MTUS2: variants seen among roughly 807,000 people sequenced by gnomAD.
The protein encoded by MTUS2 is microtubule associated scaffold protein 2, also known as microtubule-associated tumor suppressor candidate 2.
Under a neutral mutation model 114.1 loss-of-function variants are expected in MTUS2, and 40 were observed. The ratio of observed to expected loss-of-function variants is 0.35; its 90% CI spans 0.27 to 0.46. MTUS2 has a LOEUF of 0.46. Ranked by LOEUF, MTUS2 falls within the 20% of genes least tolerant of loss-of-function variation. MTUS2 has a pLI of 1.00. For synonymous variants in MTUS2, 688 were observed against 672.0 expected, an observed-to-expected ratio of 1.02 and a Z score of -0.37; for missense variants, 1,679 against 1,705.4, an observed-to-expected ratio of 0.98 and a Z score of 0.27.
At chr13:28,836,147 A>G (rs903197657) in intron 1 of MTUS2, among the ~76,000 whole-genome samples, 3 of 152,218 alleles carry the variant, frequency 2.0e-5, no homozygotes, top group Non-Finnish European at 4.4e-5. Context: ...GGAATTTAAT[A>G]TATTTTATCT....
At chr13:29,075,555 A>G (rs886541090) in intron 4 of MTUS2, among the ~76,000 whole-genome samples, 2 of 152,224 alleles carry the variant, frequency 1.3e-5, no homozygotes, top group Admixed American at 1.3e-4. Context: ...GTCTGCTATG[A>G]ATATTACTGG....
At chr13:29,357,390 T>C (rs1226131302) in intron 7 of MTUS2, among the ~76,000 whole-genome samples, 1 of 152,200 alleles carries the variant, frequency 6.6e-6, no homozygotes, top group Non-Finnish European at 1.5e-5. Context: ...TTCCTTTAGA[T>C]TTCTAAAAGA....
At chr13:29,336,056 A>T (rs924888215) in intron 7 of MTUS2, among the ~76,000 whole-genome samples, 1 of 152,106 alleles carries the variant, frequency 6.6e-6, no homozygotes, top group African/African-American at 2.4e-5. Context: ...GTTCTTCTCT[A>T]AACTGGTTAT....
chr13:29,407,933 A>T (rs1399007379), intron 8 of MTUS2, among the ~76,000 whole-genome samples: 1 of 152,138 alleles, frequency 6.6e-6, no homozygotes, highest in Admixed American at 6.5e-5. Flanking sequence ...TTCACTAATT[A>T]TTATTTAAGA....
intron 12 of MTUS2, among the ~76,000 whole-genome samples, chr13:29,495,141 G>A (rs1407047269): frequency 1.2e-4 from 15 of 130,108 alleles, no homozygotes; most frequent in Non-Finnish European, 2.2e-4. Context: ...CCGTGATCGC[G>A]CCACTGCACT....
At chr13:29,342,993 A>G (rs984963938) in intron 7 of MTUS2, among the ~76,000 whole-genome samples, 5 of 152,108 alleles carry the variant, frequency 3.3e-5, no homozygotes, top group Admixed American at 2.6e-4. Context: ...CCATCCCTGC[A>G]TCTATAGTAT....
intron 2 of MTUS2, among the ~76,000 whole-genome samples, chr13:28,992,677 C>T (rs540550568): frequency 6.6e-6 from 1 of 152,276 alleles, no homozygotes; most frequent in Non-Finnish European, 1.5e-5. Flanking sequence ...CTCGCATGCT[C>T]CCCTGGGCCC....
At chr13:28,858,202 G>C (rs1288326054) in intron 2 of MTUS2, among the ~76,000 whole-genome samples, 2 of 152,128 alleles carry the variant, frequency 1.3e-5, no homozygotes, top group Admixed American at 6.5e-5. Flanking sequence ...AAGGATTCTT[G>C]AATGAAGGTA....
intron 8 of MTUS2, among the ~76,000 whole-genome samples, chr13:29,418,256 A>AT (rs1232892503): frequency 6.6e-6 from 1 of 152,032 alleles, no homozygotes; most frequent in African/African-American, 2.4e-5. Context: ...AAAAGATTAC[A>AT]TTTTTCAGTA....
intron 7 of MTUS2, among the ~76,000 whole-genome samples, chr13:29,329,588 T>TG (rs1900677700): frequency 6.6e-6 from 1 of 151,418 alleles, no homozygotes; most frequent in South Asian, 2.1e-4. Flanking sequence ...TGAATAGTGC[T>TG]GCAATAAACA....
intron 5 of MTUS2, among the ~76,000 whole-genome samples, chr13:29,130,171 T>C (rs1385552233): frequency 1.3e-5 from 2 of 152,008 alleles, no homozygotes; most frequent in Admixed American, 6.5e-5. Flanking sequence ...TGTGTAGATT[T>C]TGAGTATGTC....
intron 8 of MTUS2, among the ~76,000 whole-genome samples, chr13:29,432,952 T>G (rs1016778780): frequency 6.6e-6 from 1 of 152,196 alleles, no homozygotes; most frequent in Non-Finnish European, 1.5e-5. Flanking sequence ...TTGGGAGGGT[T>G]ATTAGAGGAA....
At chr13:29,204,532 T>A (rs1895100160) in intron 5 of MTUS2, among the ~76,000 whole-genome samples, 1 of 152,162 alleles carries the variant, frequency 6.6e-6, no homozygotes, top group East Asian at 1.9e-4. Context: ...AGGAGGAGCC[T>A]TGGGAAGGGG....
At chr13:29,452,505 C>T (rs1028968548) in intron 9 of MTUS2, among the ~76,000 whole-genome samples, 21 of 151,854 alleles carry the variant, frequency 1.4e-4, no homozygotes, top group African/African-American at 4.8e-4. Context: ...ATCCTCCTGC[C>T]TCAGCCTGCA....
chr13:29,350,655 T>A lies in MTUS2; in HGVS notation c.2906-8607T>A, dbSNP rs1869153012. Among the ~76,000 whole-genome samples the A allele has an allele frequency of 3.9e-5, 6 of 152,178 alleles. No individual in the cohort carries two copies. In the South Asian group the frequency reaches 1.3e-3, roughly 32 times the overall value. The stretch of plus-strand genomic sequence containing the variant: ...AGTTGTTTTAGTCCGCTTGGGCTGC[T>A]ATAACAAATACCATAGATTGGGTGA... On this transcript the variant is annotated intron_variant, in intron 7 of 15. Transcript: ENST00000612955.
At chr13:29,299,016 G>A (rs1044259888) in intron 6 of MTUS2, among the ~76,000 whole-genome samples, 2 of 152,306 alleles carry the variant, frequency 1.3e-5, no homozygotes, top group African/African-American at 2.4e-5. Context: ...ACAGGGAAGT[G>A]GCAATTAGTT....
At chr13:29,130,339 T>A (rs1396122204) in intron 5 of MTUS2, among the ~76,000 whole-genome samples, 2 of 152,060 alleles carry the variant, frequency 1.3e-5, no homozygotes, top group African/African-American at 4.8e-5. Context: ...TTGCTTCCCC[T>A]CCTCACTCTG....
chr13:29,134,855 G>A (rs1171210952), intron 5 of MTUS2, among the ~76,000 whole-genome samples: 1 of 152,084 alleles, frequency 6.6e-6, no homozygotes, highest in African/African-American at 2.4e-5. Context: ...CAAAGTGCTG[G>A]GATTACAGAT....
intron 7 of MTUS2, among the ~76,000 whole-genome samples, chr13:29,353,040 A>AT (rs1869429095): frequency 1.3e-5 from 2 of 152,220 alleles, no homozygotes; most frequent in Non-Finnish European, 2.9e-5. Context: ...TATCTGTGTC[A>AT]TTTTTTGTCA....
Sources: gnomAD v4.1 joint callset for allele counts (sites outside exome capture counted in the v4.1 genomes callset) on GRCh38, gnomAD v4.1.1 for gene constraint, MANE v1.5 for transcripts, NCBI Gene and HGNC (gene_info 2026-07-23, HGNC 2026-07-21) for gene names.